Variants in KCNH7 observed in about 807,000 individuals in gnomAD.
The protein encoded by KCNH7 is voltage-gated inwardly rectifying potassium channel KCNH7.
A neutral mutation model predicts 120.8 loss-of-function variants in KCNH7; 49 were observed. The ratio of observed to expected loss-of-function variants is 0.41; its 90% CI spans 0.32 to 0.51. The LOEUF (loss-of-function observed/expected upper bound fraction) is 0.51. Ranked by LOEUF, KCNH7 falls within the 20% of genes least tolerant of loss-of-function variation. The probability of loss-of-function intolerance (pLI) is 0.38; values close to 1 mark genes in which losing one functional copy is unlikely to be tolerated. For synonymous variants in KCNH7, 547 were observed against 516.1 expected (o/e 1.06, Z -0.81); for missense variants, 1,097 against 1,446.6 (o/e 0.76, Z 3.92).
At chr2:162,687,295 T>C (rs1469677884) in intron 2 of KCNH7, among the ~76,000 whole-genome samples, 1 of 152,132 alleles carries the variant, frequency 6.6e-6, no homozygotes, top group Non-Finnish European at 1.5e-5. Flanking sequence ...TCAGACTAGT[T>C]CACACTGGCT....
intron 3 of KCNH7, among the ~76,000 whole-genome samples, chr2:162,532,456 T>C (rs1281140656): frequency 6.6e-6 from 1 of 151,890 alleles, no homozygotes; most frequent in Non-Finnish European, 1.5e-5. Flanking sequence ...TCAAGCAGGT[T>C]GACGTCAGAC....
At chr2:162,584,960 T>C (rs183935170) in intron 2 of KCNH7, among the ~76,000 whole-genome samples, 2 of 151,316 alleles carry the variant, frequency 1.3e-5, no homozygotes, top group East Asian at 2.0e-4. Flanking sequence ...CCAAGTTTTG[T>C]AGGACTTACT....
At chr2:162,835,542 A>C (rs1319954124) in intron 2 of KCNH7, among the ~76,000 whole-genome samples, 1 of 152,100 alleles carries the variant, frequency 6.6e-6, no homozygotes, top group African/African-American at 2.4e-5. Context: ...AATATCAACA[A>C]AATTAACTAT....
chr2:162,700,613 A>G (rs116063483), intron 2 of KCNH7, among the ~76,000 whole-genome samples: 8,780 of 152,258 alleles, frequency 0.058, 825 homozygotes, highest in African/African-American at 0.2. Context: ...TCTTTTAAAA[A>G]AATCCATTAC....
intron 2 of KCNH7, among the ~76,000 whole-genome samples, chr2:162,821,671 C>G (rs943719041): frequency 2.0e-5 from 3 of 152,178 alleles, no homozygotes; most frequent in Non-Finnish European, 4.4e-5. Context: ...TTTCTTCTTT[C>G]ACTTTAAAAA....
intron 2 of KCNH7, among the ~76,000 whole-genome samples, chr2:162,635,125 A>G (rs917580830): frequency 6.6e-6 from 1 of 152,090 alleles, no homozygotes; most frequent in African/African-American, 2.4e-5. Flanking sequence ...CATTCCAGAA[A>G]TTTCTATTGG....
intron 3 of KCNH7, 116 bp downstream of exon 3, chr2:162,536,809 T>C: frequency 9.1e-7 from 1 of 1,095,520 alleles, no homozygotes; most frequent in Non-Finnish European, 1.3e-6. Flanking sequence ...CATGTCAAAT[T>C]ATTTTACTTC....
At chr2:162,697,269 C>T (rs1225799276) in intron 2 of KCNH7, among the ~76,000 whole-genome samples, 1 of 152,030 alleles carries the variant, frequency 6.6e-6, no homozygotes, top group East Asian at 1.9e-4. Context: ...GCAGGAAACA[C>T]AGAGTACAGA....
chr2:162,794,187 T>C (rs532781105), intron 2 of KCNH7, among the ~76,000 whole-genome samples: 1 of 149,912 alleles, frequency 6.7e-6, no homozygotes, highest in East Asian at 2.0e-4. Flanking sequence ...TAGAACTTGA[T>C]AGTAAAGTCA....
chr2:162,576,120 G>A (rs1211393851), intron 2 of KCNH7, among the ~76,000 whole-genome samples: 3 of 152,028 alleles, frequency 2.0e-5, no homozygotes, highest in African/African-American at 7.2e-5. Context: ...CAAGATCATG[G>A]CTGCATACCA....
At chr2:162,511,830 C>T (rs1319914011) in intron 5 of KCNH7, among the ~76,000 whole-genome samples, 2 of 151,746 alleles carry the variant, frequency 1.3e-5, no homozygotes, top group Non-Finnish European at 2.9e-5. Context: ...GAGACGTGTT[C>T]ATGCAACACA....
chr2:162,508,121 T>C (rs933596400), intron 5 of KCNH7, among the ~76,000 whole-genome samples: 3 of 151,590 alleles, frequency 2.0e-5, no homozygotes, highest in Non-Finnish European at 4.4e-5. Context: ...TAGGTTAAAT[T>C]ATCTCTGAGT....
chr2:162,834,848 T>G (rs12104888), intron 2 of KCNH7, among the ~76,000 whole-genome samples: 1 of 152,106 alleles, frequency 6.6e-6, no homozygotes, highest in African/African-American at 2.4e-5. Context: ...TCCAGATTAA[T>G]GTCATACTTA....
intron 6 of KCNH7, among the ~76,000 whole-genome samples, chr2:162,451,794 A>G (rs547388784): frequency 1.3e-5 from 2 of 152,172 alleles, no homozygotes; most frequent in South Asian, 4.1e-4. Flanking sequence ...AGCACTCCCA[A>G]AAGAAGTGGA....
At chr2:162,588,820 A>C (rs1694108609) in intron 2 of KCNH7, among the ~76,000 whole-genome samples, 1 of 152,090 alleles carries the variant, frequency 6.6e-6, no homozygotes, top group South Asian at 2.1e-4. Flanking sequence ...GAACATTAGA[A>C]GGTGTTCCTC....
At chr2:162,527,911 T>C (rs1691769803) in intron 3 of KCNH7, 1 of 152,004 alleles carries the variant, frequency 6.6e-6, no homozygotes, top group African/African-American at 2.4e-5. Context: ...ACCTAGACCA[T>C]GGTTTTCATA....
At chr2:162,444,639 A>C (rs1415077892) in intron 7 of KCNH7, among the ~76,000 whole-genome samples, 1 of 152,198 alleles carries the variant, frequency 6.6e-6, no homozygotes, top group East Asian at 1.9e-4. Flanking sequence ...AAGCTTGTCT[A>C]CAAATCACTA....
chr2:162,709,165 T>C (rs1367668569), intron 2 of KCNH7, among the ~76,000 whole-genome samples: 1 of 152,114 alleles, frequency 6.6e-6, no homozygotes, highest in Admixed American at 6.6e-5. Context: ...CCTAGGTTTA[T>C]CGTGATAATT....
At chr2:162,695,025 G>C (rs1401189181) in intron 2 of KCNH7, among the ~76,000 whole-genome samples, 1 of 152,078 alleles carries the variant, frequency 6.6e-6, no homozygotes, top group Admixed American at 6.5e-5. Context: ...ACAGGTGTGA[G>C]AAAGTGCTGG....
Sources: allele counts gnomAD v4.1 joint callset (sites outside exome capture counted in the v4.1 genomes callset), GRCh38; gene constraint gnomAD v4.1.1; transcripts MANE v1.5; gene names NCBI Gene and HGNC (gene_info 2026-07-23, HGNC 2026-07-21).